Variants in EPHA6 observed in about 807,000 individuals in gnomAD.
EPHA6 encodes the protein EPH receptor A6.
In EPHA6, 50 loss-of-function variants were observed where a neutral mutation model predicts 112.0. The ratio of observed to expected loss-of-function variants is 0.45; its 90% CI spans 0.36 to 0.56. EPHA6 has a LOEUF of 0.56. Ranked by LOEUF, EPHA6 falls within the 20% of genes least tolerant of loss-of-function variation. The pLI is 0.00. For synonymous variants in EPHA6, 529 were observed against 490.7 expected, an observed-to-expected ratio of 1.08 and a Z score of -1.03; for missense variants, 1,280 against 1,417.4, an observed-to-expected ratio of 0.90 and a Z score of 1.56.
At chr3:97,401,292 A>G (rs1383685403) in intron 5 of EPHA6, among the ~76,000 whole-genome samples, 1 of 151,750 alleles carries the variant, frequency 6.6e-6, no homozygotes, top group African/African-American at 2.4e-5. Flanking sequence ...CAATTCACCA[A>G]TGAAGCCATT....
intron 13 of EPHA6, among the ~76,000 whole-genome samples, chr3:97,636,359 G>A (rs1287431026): frequency 6.6e-6 from 1 of 152,098 alleles, no homozygotes; most frequent in African/African-American, 2.4e-5. Flanking sequence ...AGAAGAGGCA[G>A]ATTTCATCTA....
chr3:97,015,235 A>G (rs996051681), intron 3 of EPHA6, among the ~76,000 whole-genome samples: 1 of 152,234 alleles, frequency 6.6e-6, no homozygotes, highest in Non-Finnish European at 1.5e-5. Flanking sequence ...CTGAAACCTT[A>G]TACTGTAAGA....
At chr3:97,189,250 A>G (rs2077237064) in intron 3 of EPHA6, among the ~76,000 whole-genome samples, 1 of 152,034 alleles carries the variant, frequency 6.6e-6, no homozygotes, top group African/African-American at 2.4e-5. Flanking sequence ...GCCAACAATA[A>G]TGAGTAAGGA....
At chr3:97,459,146 T>C (rs7651848) in intron 7 of EPHA6, among the ~76,000 whole-genome samples, 17,889 of 152,182 alleles carry the variant, frequency 0.12, 3,376 homozygotes, top group African/African-American at 0.4. Context: ...CTTTTGCTCT[T>C]TTTAGACAGA....
Position 97,752,522 on chromosome 3 carries a change from C to T in EPHA6, c.*3821C>T. The T allele has an allele frequency of 4.6e-6, 1 of 219,630 alleles. No homozygotes were observed. Among genetic ancestry groups the T allele is most frequent in the South Asian group, 1.9e-4 (1 of 5,398 alleles). 13.6% of individuals were successfully genotyped at this position (219,630 alleles called of 1,614,324 possible). ...TATTCCTTTCTCAGCTTCTATCACG[C>T]CACACATTATCTCAATCAGCATAAA... On this transcript the variant is annotated 3_prime_UTR_variant, in exon 18 of 18. Coordinates refer to ENST00000389672, the MANE Select transcript of EPHA6 (RefSeq NM_001080448.3).
chr3:97,492,450 G>A (rs2091866544), intron 10 of EPHA6, among the ~76,000 whole-genome samples: 1 of 149,690 alleles, frequency 6.7e-6, no homozygotes, highest in African/African-American at 2.5e-5. Context: ...GCTGAGGCAG[G>A]AGAATCTCTA....
At chr3:97,110,126 ATTCATTGCATT>A (rs2047679555) in intron 3 of EPHA6, among the ~76,000 whole-genome samples, 1 of 152,174 alleles carries the variant, frequency 6.6e-6, no homozygotes. Flanking sequence ...TACTTTGCAT[ATTCATTGCATT>A]TTAACACCAT....
At chr3:97,025,729 C>CAGGT (rs2044614948) in intron 3 of EPHA6, among the ~76,000 whole-genome samples, 1 of 152,136 alleles carries the variant, frequency 6.6e-6, no homozygotes, top group South Asian at 2.1e-4. Flanking sequence ...GCTGGGACTG[C>CAGGT]AGGTGCACAC....
intron 7 of EPHA6, among the ~76,000 whole-genome samples, chr3:97,468,207 T>G (rs936190440): frequency 2.6e-5 from 4 of 151,600 alleles, no homozygotes; most frequent in African/African-American, 9.7e-5. Context: ...CCATGAGGTT[T>G]GTTTCCATTC....
Position 97,135,259 on chromosome 3 carries a change from C to T in EPHA6, c.1115-91005C>T, listed in dbSNP as rs569337593. ...AACTTGGCTTTTGAGTTACAAGCTG[C>T]GTGAACTTGAGAAAAGTCACTTAAT... On this transcript the variant is annotated intron_variant, in intron 3 of 17. Transcript: ENST00000389672. Among the ~76,000 whole-genome samples, 4 of 152,228 alleles carry T rather than the reference C, an allele frequency of 2.6e-5. No homozygotes were observed. In the South Asian group the frequency reaches 6.2e-4, roughly 24 times the overall value.
At chr3:96,917,583 A>G (rs927494991) in intron 2 of EPHA6, among the ~76,000 whole-genome samples, 1 of 152,094 alleles carries the variant, frequency 6.6e-6, no homozygotes, top group Non-Finnish European at 1.5e-5. Context: ...TCCCATGCAC[A>G]GTACACCACT....
At chr3:97,557,009 G>C (rs182431536) in intron 11 of EPHA6, among the ~76,000 whole-genome samples, 1 of 151,976 alleles carries the variant, frequency 6.6e-6, no homozygotes. Context: ...TTATATGAGT[G>C]TATTCTCTTT....
Position 96,896,862 on chromosome 3 carries a change from T to C in EPHA6, c.450+29973T>C, listed in dbSNP as rs149358961. Among the ~76,000 whole-genome samples the C allele has an allele frequency of 6.5e-3, 985 of 152,284 alleles. 7 individuals are homozygous for C. The highest frequency in any genetic ancestry group is 0.021 in the African/African-American group (889 of 41,564). ...TCATTTATCCATTCAAGTTGAATAGTGTAAGCCATCTGTTTAAATTTTTAG... is the reference window on the plus strand; with the variant it reads ...TCATTTATCCATTCAAGTTGAATAGCGTAAGCCATCTGTTTAAATTTTTAG... On this transcript the variant is annotated intron_variant, in intron 2 of 17. Transcript: ENST00000389672.
At chr3:97,272,568 G>A (rs2079923395) in intron 5 of EPHA6, among the ~76,000 whole-genome samples, 1 of 151,998 alleles carries the variant, frequency 6.6e-6, no homozygotes, top group Non-Finnish European at 1.5e-5. Context: ...GAGAGTCAGC[G>A]AAGGGAGCTA....
At chr3:97,012,585 ATGTGTGTGTGTG>A (rs200953475) in intron 3 of EPHA6, among the ~76,000 whole-genome samples, 2,542 of 141,144 alleles carry the variant, frequency 0.018, 64 homozygotes, top group African/African-American at 0.052. Flanking sequence ...AAATTTATAT[ATGTGTGTGTGTG>A]TGTGTGTGTG....
chr3:97,354,300 G>A (rs1223437632), intron 5 of EPHA6, among the ~76,000 whole-genome samples: 2 of 152,016 alleles, frequency 1.3e-5, no homozygotes, highest in Non-Finnish European at 2.9e-5. Flanking sequence ...ACTAAATAAG[G>A]TAACTGTGAC....
chr3:97,073,672 T>G (rs2046426576), intron 3 of EPHA6, among the ~76,000 whole-genome samples: 1 of 152,112 alleles, frequency 6.6e-6, no homozygotes, highest in African/African-American at 2.4e-5. Context: ...TCTTCAATCT[T>G]CATATGATCG....
chr3:97,434,625 A>G (rs1337602000), intron 6 of EPHA6, among the ~76,000 whole-genome samples: 3 of 152,162 alleles, frequency 2.0e-5, no homozygotes, highest in Admixed American at 6.5e-5. Context: ...ATAATGTTTA[A>G]TCTTGTTCCA....
intron 6 of EPHA6, among the ~76,000 whole-genome samples, chr3:97,423,011 A>G (rs2088803217): frequency 6.6e-6 from 1 of 152,208 alleles, no homozygotes; most frequent in Admixed American, 6.5e-5. Context: ...CCTGAAAATA[A>G]TAAGTGTCAT....
Sources: allele counts gnomAD v4.1 joint callset (sites outside exome capture counted in the v4.1 genomes callset), GRCh38; gene constraint gnomAD v4.1.1; transcripts MANE v1.5; gene names NCBI Gene and HGNC (gene_info 2026-07-23, HGNC 2026-07-21).